The following VPS37A variants were observed in gnomAD, a reference collection of about 807,000 sequenced individuals.
The protein encoded by VPS37A is vacuolar protein sorting-associated protein 37A.
VPS37A carries 30 observed loss-of-function variants against 49.8 expected under a neutral mutation model. The observed-to-expected ratio is 0.60, with a 90% CI of 0.45 to 0.82. The LOEUF (loss-of-function observed/expected upper bound fraction) is 0.82, where lower values mean the gene tolerates loss of function less well. Ranked by LOEUF, VPS37A falls within the 40% of genes least tolerant of loss-of-function variation. The pLI is 0.00. For synonymous variants in VPS37A, 195 were observed against 160.6 expected (o/e 1.21, Z -1.62); for missense variants, 593 against 464.4 (o/e 1.28, Z -2.55).
chr8:17,305,921 A>T, downstream of VPS37A: 1 of 1,613,642 alleles, frequency 6.2e-7, no homozygotes, highest in Non-Finnish European at 8.5e-7. Context: ...CAATAACTGG[A>T]GAGATTTCTT....
At chr8:17,256,801 CA>C (rs1436067859) in intron 1 of VPS37A, among the ~76,000 whole-genome samples, 1 of 151,990 alleles carries the variant, frequency 6.6e-6, no homozygotes, top group Non-Finnish European at 1.5e-5. Flanking sequence ...TACAGGCACT[CA>C]CCACCACACC....
intron 1 of VPS37A, 103 bp downstream of exon 1, chr8:17,247,472 C>T (rs1457058005): frequency 3.0e-5 from 43 of 1,452,632 alleles, no homozygotes; most frequent in Non-Finnish European, 3.7e-5. Flanking sequence ...ACCAGCTCCT[C>T]ATGTGGTTTA....
chr8:17,251,251 C>T (rs1187611337), intron 1 of VPS37A, among the ~76,000 whole-genome samples: 2 of 152,122 alleles, frequency 1.3e-5, no homozygotes, highest in African/African-American at 4.8e-5. Flanking sequence ...TGGGGAGCTG[C>T]TCAAAATGTT....
At chr8:17,293,641 T>G (rs1423627590) in intron 11 of VPS37A, among the ~76,000 whole-genome samples, 2 of 152,224 alleles carry the variant, frequency 1.3e-5, no homozygotes. Context: ...ATGGAATTTT[T>G]GCATGGTCGT....
intron 1 of VPS37A, among the ~76,000 whole-genome samples, chr8:17,263,080 T>C (rs953603358): frequency 4.0e-5 from 6 of 151,896 alleles, no homozygotes; most frequent in East Asian, 1.9e-4. Context: ...AAAAAAGATA[T>C]TGTAAAATAA....
At chr8:17,291,903 A>G (rs1258757561) in intron 11 of VPS37A, among the ~76,000 whole-genome samples, 7 of 152,072 alleles carry the variant, frequency 4.6e-5, no homozygotes, top group African/African-American at 1.7e-4. Context: ...TATGTGGCCA[A>G]TTTTAGAATA....
downstream of VPS37A, chr8:17,304,562 C>A: frequency 6.3e-7 from 1 of 1,585,222 alleles, no homozygotes. Context: ...TATTTTGGTG[C>A]TTACACACAG....
rs1816588041 is a variant in VPS37A, at chr8:17,295,864, A to ATAAG, written c.*882_*885dup. ...TTTTCCTAAGAGGAAAGCTATAGTA[A>ATAAG]TAAGTAAAATTTAATTTTTAGGCAA... On this transcript the variant is annotated 3_prime_UTR_variant, in exon 12 of 12. Coordinates refer to ENST00000324849, the MANE Select transcript of VPS37A (RefSeq NM_152415.3). The ATAAG allele has an allele frequency of 6.6e-6, 1 of 152,210 alleles. No homozygotes were observed. Among genetic ancestry groups the ATAAG allele is most frequent in the African/African-American group, 2.4e-5 (1 of 41,456 alleles). The allele number at this position is 152,210 out of a possible 1,614,324, so 9.4% of individuals were successfully genotyped here.
intron 11 of VPS37A, among the ~76,000 whole-genome samples, chr8:17,287,068 C>T (rs1010319368): frequency 6.6e-6 from 1 of 152,218 alleles, no homozygotes; most frequent in East Asian, 1.9e-4. Flanking sequence ...CGTTGTCTTA[C>T]ATGGCACATT....
chr8:17,279,809 T>A, intron 6 of VPS37A: 1 of 620,200 alleles, frequency 1.6e-6, no homozygotes, highest in Non-Finnish European at 2.9e-6. Context: ...CAAAATTTAC[T>A]TTTACAGATT....
chr8:17,269,944 A>T (rs2150380340), intron 4 of VPS37A, among the ~76,000 whole-genome samples: 1 of 152,336 alleles, frequency 6.6e-6, no homozygotes, highest in South Asian at 2.1e-4. Context: ...CTATACAAGA[A>T]GCATGACATT....
intron 11 of VPS37A, among the ~76,000 whole-genome samples, chr8:17,287,446 G>T (rs192667948): frequency 6.6e-6 from 1 of 152,056 alleles, no homozygotes. Context: ...AGGCCGAGGC[G>T]TGTGGATCAC....
At position 17,284,629 on chromosome 8, in the gene VPS37A, C is replaced by A; in HGVS notation, c.1113+13C>A. 1 of 1,579,684 alleles carries A rather than the reference C, an allele frequency of 6.3e-7. No individual in the cohort carries two copies. Among genetic ancestry groups the A allele is most frequent in the South Asian group, 1.2e-5 (1 of 83,942 alleles). ...GGAAAAGAGAACAGTATGTAATACT[C>A]GTCAGTTGAGGACAAGTATTGGATA... On this transcript the variant is annotated intron_variant, in intron 10 of 11. Transcript: ENST00000324849.
At chr8:17,291,564 G>T (rs1816158437) in intron 11 of VPS37A, among the ~76,000 whole-genome samples, 1 of 151,446 alleles carries the variant, frequency 6.6e-6, no homozygotes, top group Admixed American at 6.6e-5. Context: ...TAATTGTGAT[G>T]TTAGGGTGTT....
intron 1 of VPS37A, among the ~76,000 whole-genome samples, chr8:17,255,599 C>A (rs1196345080): frequency 6.6e-6 from 1 of 152,110 alleles, no homozygotes; most frequent in African/African-American, 2.4e-5. Context: ...GCCTCTGTTG[C>A]ATTTTTAAAT....
intron 5 of VPS37A, among the ~76,000 whole-genome samples, chr8:17,275,754 A>G (rs1446295535): frequency 6.6e-6 from 1 of 152,232 alleles, no homozygotes; most frequent in Non-Finnish European, 1.5e-5. Context: ...TATCACCCAT[A>G]GCATTACTCA....
At chr8:17,330,866 C>A in the VPS37A span, among the ~76,000 whole-genome samples, 2 of 152,166 alleles carry the variant, frequency 1.3e-5, no homozygotes, top group Non-Finnish European at 2.9e-5. Flanking sequence ...ATCAAACTAA[C>A]ATTATGAGGA....
chr8:17,264,060 TGGG>T (rs1813216242), intron 1 of VPS37A, among the ~76,000 whole-genome samples: 1 of 152,220 alleles, frequency 6.6e-6, no homozygotes, highest in Non-Finnish European at 1.5e-5. Context: ...GGTACTGTGT[TGGG>T]GGATTTACAT....
At chr8:17,270,061 C>T (rs1813830857) in intron 4 of VPS37A, among the ~76,000 whole-genome samples, 1 of 151,948 alleles carries the variant, frequency 6.6e-6, no homozygotes, top group South Asian at 2.1e-4. Flanking sequence ...AGGTACCACA[C>T]CCTTTTAAAC....
Sources: allele counts gnomAD v4.1 joint callset (sites outside exome capture counted in the v4.1 genomes callset), GRCh38; gene constraint gnomAD v4.1.1; transcripts MANE v1.5; gene names NCBI Gene and HGNC (gene_info 2026-07-23, HGNC 2026-07-21).